The following BPNT1 variants were observed in gnomAD, a reference collection of about 807,000 sequenced individuals.
The protein encoded by BPNT1 is 3'(2'), 5'-bisphosphate nucleotidase 1.
In BPNT1, 28 loss-of-function variants were observed where a neutral mutation model predicts 36.9. The ratio of observed to expected loss-of-function variants is 0.76; its 90% CI spans 0.56 to 1.04. The LOEUF (loss-of-function observed/expected upper bound fraction) is 1.04, where lower values mean the gene tolerates loss of function less well. Among genes scored for constraint, BPNT1 ranks in the 50% least tolerant of loss-of-function variants. BPNT1 has a pLI of 0.00. For missense variants in BPNT1, 313 were observed against 372.9 expected (o/e 0.84, Z 1.32); for synonymous variants, 119 against 130.9 (o/e 0.91, Z 0.62).
chr1:220,058,988 C>T lies in BPNT1; in HGVS notation c.783G>A (p.Lys261=). 6.2e-7 allele frequency: 1 copy of T among 1,613,312 alleles called. No homozygotes were observed. Among genetic ancestry groups the T allele is most frequent in the Non-Finnish European group, 8.5e-7 (1 of 1,179,562 alleles). Residue 261 remains lysine, a synonymous_variant, in exon 9 of 9, where the codon AAG becomes AAA. Transcript: ENST00000322067. ...GAACATTCCCATGGATATCGGTTAA[C>T]TTGCCTATAGAAAAACATCAATCAA... The part of the protein sequence containing the change: ...PEVILHAVGG[K]LTDIHGNVLQ...
At chr1:220,089,561 G>T (rs1383211507) in intron 1 of BPNT1, 125 bp downstream of exon 1, 1 of 152,228 alleles carries the variant, frequency 6.6e-6, no homozygotes, top group Non-Finnish European at 1.5e-5. Context: ...AAGAGTCCAA[G>T]TCGGAAGTTA....
At chr1:220,074,135 T>A in intron 2 of BPNT1, 64 bp from the exon 3 acceptor site, 1 of 1,400,030 alleles carries the variant, frequency 7.1e-7, no homozygotes, top group South Asian at 1.2e-5. Flanking sequence ...TGATTCCTTG[T>A]GCATGAGTGC....
chr1:220,075,095 G>C (rs1664426334), intron 2 of BPNT1, among the ~76,000 whole-genome samples: 1 of 152,188 alleles, frequency 6.6e-6, no homozygotes, highest in South Asian at 2.1e-4. Context: ...CTAGGCTGGA[G>C]TGCAGTGGCG....
rs1328904260 is a variant in BPNT1 at position 220,074,035 on chromosome 1, A to G, written c.157T>C (p.Leu53=). 5.0e-6 allele frequency: 8 copies of G among 1,613,998 alleles called. No homozygotes were observed. The highest frequency in any genetic ancestry group is 5.1e-6 in the Non-Finnish European group (6 of 1,180,016). ...ATDLQTKADR[L]AQMSICSSLA... is the part of the protein sequence containing the mutation. ...GAAGAACATATGCTCATCTGTGCCA[A>G]TCGGTCAGCTTTGGTCTGCAGGTCT... is the stretch of plus-strand genomic sequence containing the variant. The change falls in exon 3 of 9, where the codon TTG becomes CTG. Residue 53 remains leucine, a synonymous_variant. Coordinates refer to ENST00000322067, the MANE Select transcript of BPNT1 (RefSeq NM_006085.6).
intron 6 of BPNT1, among the ~76,000 whole-genome samples, chr1:220,065,605 C>G (rs1663466128): frequency 6.6e-6 from 1 of 152,144 alleles, no homozygotes; most frequent in African/African-American, 2.4e-5. Flanking sequence ...AATCTCAGTT[C>G]TGCCATTTAC....
intron 5 of BPNT1, among the ~76,000 whole-genome samples, chr1:220,068,665 G>T (rs898950726): frequency 1.3e-5 from 2 of 152,018 alleles, no homozygotes; most frequent in Non-Finnish European, 2.9e-5. Flanking sequence ...ACAAAAATTA[G>T]CTGGGCGTGG....
chr1:220,083,531 G>A (rs1359812759), intron 1 of BPNT1, among the ~76,000 whole-genome samples: 2 of 151,552 alleles, frequency 1.3e-5, no homozygotes, highest in Non-Finnish European at 2.9e-5. Flanking sequence ...AGCCAGGATG[G>A]TCTCGATCTA....
At position 220,072,970 on chromosome 1, in the gene BPNT1, T is replaced by A. The variant is rs918174759; in HGVS notation, c.226-13A>T. 6 of 1,601,652 alleles carry A rather than the reference T, an allele frequency of 3.7e-6. No homozygotes were observed. The highest frequency in any genetic ancestry group is 4.3e-6 in the Non-Finnish European group (5 of 1,169,014). On this transcript the variant is annotated splice_polypyrimidine_tract_variant and intron_variant, in intron 3 of 8. Transcript: ENST00000322067. Reference sequence around the variant, plus strand: ...CAGAAGGCAGATCCTAAAGCAGAGATAACCCTAATGGTTACTGAAGCTGTT... The same window carrying A: ...CAGAAGGCAGATCCTAAAGCAGAGAAAACCCTAATGGTTACTGAAGCTGTT...
intron 2 of BPNT1, among the ~76,000 whole-genome samples, chr1:220,074,895 G>A (rs1664403591): frequency 6.6e-6 from 1 of 152,172 alleles, no homozygotes; most frequent in Non-Finnish European, 1.5e-5. Flanking sequence ...CAATATGTCA[G>A]ATACTCATGC....
At chr1:220,083,236 CAA>C (rs539820488) in intron 1 of BPNT1, among the ~76,000 whole-genome samples, 8 of 112,376 alleles carry the variant, frequency 7.1e-5, no homozygotes, top group Admixed American at 8.8e-5. Context: ...GACTCCATCT[CAA>C]AAAAAAAAAA....
chr1:220,069,325 A>T (rs1309598961), intron 5 of BPNT1, 59 bp downstream of exon 5: 1 of 1,299,854 alleles, frequency 7.7e-7, no homozygotes, highest in Non-Finnish European at 1.1e-6. Context: ...AAATATTTAC[A>T]ACTAACATCA....
intron 1 of BPNT1, among the ~76,000 whole-genome samples, chr1:220,088,759 C>G (rs1458173943): frequency 6.9e-6 from 1 of 145,280 alleles, no homozygotes; most frequent in Non-Finnish European, 1.5e-5. Flanking sequence ...CACTGTACTC[C>G]AGCCTGGGGG....
At chr1:220,089,133 G>A (rs1656065940) in intron 1 of BPNT1, among the ~76,000 whole-genome samples, 1 of 144,836 alleles carries the variant, frequency 6.9e-6, no homozygotes, top group African/African-American at 2.5e-5. Flanking sequence ...AAAGAAGGAG[G>A]AGGAAGGAGG....
Position 220,062,931 on chromosome 1 carries a change from C to G in BPNT1, c.498G>C (p.Gly166=), listed in dbSNP as rs1663190039. 1 of 1,614,146 alleles carries G rather than the reference C, an allele frequency of 6.2e-7. No individual in the cohort carries two copies. The highest frequency in any genetic ancestry group is 1.3e-5 in the African/African-American group (1 of 75,046). ...NYEAGPDAVL[G]RTIWGVLGLG... is the part of the protein sequence containing the mutation. ...AACCTAAAACTCCCCAGATTGTCCT[C>G]CCCAACACAGCATCTGGTCCTGCCT... is the stretch of plus-strand genomic sequence containing the variant. Residue 166 remains glycine, a synonymous_variant, in exon 7 of 9, where the codon GGG becomes GGC. Coordinates refer to ENST00000322067, the MANE Select transcript of BPNT1 (RefSeq NM_006085.6).
At chr1:220,059,830 A>G in intron 7 of BPNT1, 39 bp from the exon 8 acceptor site, 2 of 1,432,146 alleles carry the variant, frequency 1.4e-6, no homozygotes, top group Non-Finnish European at 1.9e-6. Flanking sequence ...TTGATAATAG[A>G]AAGAATAATT....
intron 2 of BPNT1, 116 bp from the exon 3 acceptor site, chr1:220,074,187 A>G (rs373872580): frequency 2.7e-5 from 23 of 840,032 alleles, no homozygotes; most frequent in South Asian, 1.7e-4. Flanking sequence ...AGAGTCATAG[A>G]ACTTAACACC....
intron 7 of BPNT1, among the ~76,000 whole-genome samples, chr1:220,061,210 T>C (rs959071966): frequency 6.6e-6 from 1 of 152,220 alleles, no homozygotes; most frequent in Non-Finnish European, 1.5e-5. Context: ...CAAACTTTTA[T>C]AGAGTCATCC....
At chr1:220,086,560 C>T (rs1655746224) in intron 1 of BPNT1, among the ~76,000 whole-genome samples, 1 of 151,832 alleles carries the variant, frequency 6.6e-6, no homozygotes, top group Non-Finnish European at 1.5e-5. Context: ...AGGCATGAGC[C>T]ACCATGCCTG....
At chr1:220,063,506 A>G (rs1376654762) in intron 6 of BPNT1, among the ~76,000 whole-genome samples, 1 of 152,162 alleles carries the variant, frequency 6.6e-6, no homozygotes, top group Non-Finnish European at 1.5e-5. Context: ...TCTGTTTATA[A>G]TGTGCTGAAA....
Sources: gnomAD v4.1 joint callset for allele counts (sites outside exome capture counted in the v4.1 genomes callset) on GRCh38, gnomAD v4.1.1 for gene constraint, MANE v1.5 for transcripts, NCBI Gene and HGNC (gene_info 2026-07-23, HGNC 2026-07-21) for gene names.